The following HS6ST3 variants were observed in gnomAD, a reference collection of about 807,000 sequenced individuals.
HS6ST3 encodes heparan sulfate 6-O-sulfotransferase 3.
HS6ST3 carries 12 observed loss-of-function variants against 36.7 expected under a neutral mutation model. The ratio of observed to expected loss-of-function variants is 0.33; its 90% confidence interval spans 0.21 to 0.53. The LOEUF is 0.53. Ranked by LOEUF, HS6ST3 falls within the 20% of genes least tolerant of loss-of-function variation. The pLI, the probability that HS6ST3 is intolerant of heterozygous loss-of-function variation, is 0.95. For missense variants in HS6ST3, 584 were observed against 640.9 expected (o/e 0.91, Z 0.96); for synonymous variants, 240 against 257.5 (o/e 0.93, Z 0.65).
At chr13:96,706,739 A>G (rs73560485) in intron 1 of HS6ST3, among the ~76,000 whole-genome samples, 1 of 152,126 alleles carries the variant, frequency 6.6e-6, no homozygotes, top group African/African-American at 2.4e-5. Flanking sequence ...TTTTTTAAAA[A>G]ACAATATTTA....
intron 1 of HS6ST3, among the ~76,000 whole-genome samples, chr13:96,677,384 G>T (rs1445101101): frequency 6.6e-6 from 1 of 152,090 alleles, no homozygotes; most frequent in Admixed American, 6.6e-5. Flanking sequence ...ATCTGGCTAG[G>T]TTGAAAGCCT....
At chr13:96,749,358 A>G (rs1229022967) in intron 1 of HS6ST3, among the ~76,000 whole-genome samples, 2 of 152,210 alleles carry the variant, frequency 1.3e-5, no homozygotes, top group African/African-American at 4.8e-5. Flanking sequence ...ATTTAATTAC[A>G]CATATCTCTC....
chr13:96,476,928 C>A (rs1336922179), intron 1 of HS6ST3, among the ~76,000 whole-genome samples: 2 of 152,224 alleles, frequency 1.3e-5, no homozygotes, highest in Middle Eastern at 3.4e-3. Context: ...GAGTTGAAAT[C>A]AATTGTAAGG....
chr13:96,124,563 T>G (rs1279774756), intron 1 of HS6ST3, among the ~76,000 whole-genome samples: 1 of 152,168 alleles, frequency 6.6e-6, no homozygotes, highest in African/African-American at 2.4e-5. Context: ...CCTGTAAACA[T>G]GTAACAGCAG....
chr13:96,526,786 C>T (rs1201480319), intron 1 of HS6ST3, among the ~76,000 whole-genome samples: 1 of 152,134 alleles, frequency 6.6e-6, no homozygotes, highest in African/African-American at 2.4e-5. Context: ...TCTTCCCCAC[C>T]TTTGGTTAAA....
intron 1 of HS6ST3, among the ~76,000 whole-genome samples, chr13:96,600,364 A>G (rs914428804): frequency 3.3e-5 from 5 of 151,938 alleles, no homozygotes; most frequent in Non-Finnish European, 7.4e-5. Context: ...ACACACATAT[A>G]TATATATATA....
chr13:96,203,320 T>C (rs1442121602), intron 1 of HS6ST3, among the ~76,000 whole-genome samples: 1 of 152,188 alleles, frequency 6.6e-6, no homozygotes, highest in Non-Finnish European at 1.5e-5. Flanking sequence ...GCCTTCTCTC[T>C]GTGTCCTTAC....
In HS6ST3 at chr13:96,487,657, C is replaced by T. The variant is rs2055922178; in HGVS notation, c.708-344833C>T. 3.3e-5 allele frequency among the ~76,000 whole-genome samples: 5 copies of T among 152,134 alleles called. No homozygotes were observed. In the South Asian group the frequency reaches 1.0e-3, roughly 32 times the overall value. On this transcript the variant is annotated intron_variant, in intron 1 of 1. Transcript: ENST00000376705. ...CAAGGACAAAGGCCATGTTTGGTAT[C>T]CATATGCCATGTCTTCTAGAATTAG... is the stretch of plus-strand genomic sequence containing the variant.
intron 1 of HS6ST3, among the ~76,000 whole-genome samples, chr13:96,180,512 G>A (rs777837204): frequency 1.4e-5 from 2 of 143,230 alleles, no homozygotes; most frequent in African/African-American, 2.6e-5. Context: ...AATAAATAAG[G>A]AAGGGCTAAT....
chr13:96,572,525 G>A (rs1209145029), intron 1 of HS6ST3, among the ~76,000 whole-genome samples: 1 of 151,894 alleles, frequency 6.6e-6, no homozygotes, highest in East Asian at 1.9e-4. Context: ...GATATATCTG[G>A]CAGTATTTTA....
At chr13:96,819,802 C>A (rs1427367969) in intron 1 of HS6ST3, among the ~76,000 whole-genome samples, 1 of 152,108 alleles carries the variant, frequency 6.6e-6, no homozygotes, top group Non-Finnish European at 1.5e-5. Context: ...ACCTGTAACC[C>A]CAGCACTTTG....
chr13:96,215,995 T>C (rs2054423992), intron 1 of HS6ST3, among the ~76,000 whole-genome samples: 1 of 152,230 alleles, frequency 6.6e-6, no homozygotes, highest in African/African-American at 2.4e-5. Context: ...AAGAGCATGC[T>C]TCCAGAGCTG....
chr13:96,499,215 AGG>A (rs1203319323), intron 1 of HS6ST3, among the ~76,000 whole-genome samples: 1 of 152,010 alleles, frequency 6.6e-6, no homozygotes, highest in Non-Finnish European at 1.5e-5. Flanking sequence ...TAGCAGAGAC[AGG>A]GTTTCACCAT....
intron 1 of HS6ST3, among the ~76,000 whole-genome samples, chr13:96,756,814 C>T (rs773154737): frequency 2.0e-5 from 3 of 152,222 alleles, no homozygotes; most frequent in African/African-American, 4.8e-5. Flanking sequence ...GTCAATCCAA[C>T]TGAAATTTGC....
At chr13:96,738,437 G>C (rs61968178) in intron 1 of HS6ST3, among the ~76,000 whole-genome samples, 7,041 of 151,678 alleles carry the variant, frequency 0.046, 217 homozygotes, top group African/African-American at 0.092. Flanking sequence ...ATGCTGTTCT[G>C]TTTGTATTCA....
chr13:96,459,136 GA>G (rs2055769935), intron 1 of HS6ST3, among the ~76,000 whole-genome samples: 1 of 104,638 alleles, frequency 9.6e-6, no homozygotes, highest in Non-Finnish European at 2.2e-5. Context: ...GAGGTGACAT[GA>G]AAAGCAGTGG....
At chr13:96,260,823 A>G (rs1366631812) in intron 1 of HS6ST3, among the ~76,000 whole-genome samples, 1 of 151,858 alleles carries the variant, frequency 6.6e-6, no homozygotes, top group Non-Finnish European at 1.5e-5. Context: ...TATTTTTAGT[A>G]AAAATGGGGT....
Position 96,836,768 on chromosome 13 carries a change from T to C in HS6ST3, c.*3570T>C, listed in dbSNP as rs1381242245. ...GGATAGAATTCCCATTCAGCTGTTT[T>C]AACACAGAAATTCAAAATAGTGACT... On this transcript the variant is annotated 3_prime_UTR_variant, in exon 2 of 2. Coordinates refer to ENST00000376705, the MANE Select transcript of HS6ST3 (RefSeq NM_153456.4). 1 of 152,234 alleles carries C rather than the reference T, an allele frequency of 6.6e-6. No individual in the cohort carries two copies. The highest frequency in any genetic ancestry group is 1.5e-5 in the Non-Finnish European group (1 of 68,034). 9.4% of individuals were successfully genotyped at this position (152,234 alleles called of 1,614,324 possible).
At chr13:96,340,203 AC>A (rs1418087291) in intron 1 of HS6ST3, among the ~76,000 whole-genome samples, 1 of 152,220 alleles carries the variant, frequency 6.6e-6, no homozygotes, top group African/African-American at 2.4e-5. Flanking sequence ...ACAACATGTC[AC>A]CCAGAGGTCC....
Sources: allele counts gnomAD v4.1 joint callset (sites outside exome capture counted in the v4.1 genomes callset), GRCh38; gene constraint gnomAD v4.1.1; transcripts MANE v1.5; gene names NCBI Gene and HGNC (gene_info 2026-07-23, HGNC 2026-07-21).